The following LRRTM4 variants were observed in gnomAD, a reference collection of about 807,000 sequenced individuals.
LRRTM4 encodes leucine rich repeat transmembrane neuronal 4, also known as leucine-rich repeat transmembrane neuronal protein 4.
A neutral mutation model predicts 47.6 loss-of-function variants in LRRTM4; 25 were observed. The observed-to-expected ratio is 0.53, with a 90% CI of 0.38 to 0.73. LRRTM4 has a LOEUF of 0.73. Among genes scored for constraint, LRRTM4 ranks in the 30% least tolerant of loss-of-function variants. LRRTM4 has a pLI of 0.00. For missense variants in LRRTM4, 638 were observed against 713.4 expected, an observed-to-expected ratio of 0.89 and a Z score of 1.20; for synonymous variants, 311 against 269.5, an observed-to-expected ratio of 1.15 and a Z score of -1.51.
At chr2:76,994,161 C>T (rs569309250) in intron 3 of LRRTM4, among the ~76,000 whole-genome samples, 5 of 151,916 alleles carry the variant, frequency 3.3e-5, no homozygotes, top group East Asian at 1.9e-4. Flanking sequence ...CTATTGAGTA[C>T]TATGTTCACT....
chr2:77,092,032 G>T (rs1016355045), intron 3 of LRRTM4, among the ~76,000 whole-genome samples: 6 of 152,050 alleles, frequency 3.9e-5, no homozygotes, highest in Non-Finnish European at 8.8e-5. Flanking sequence ...TGCAGCGGCT[G>T]CCACTGCTTT....
intron 3 of LRRTM4, among the ~76,000 whole-genome samples, chr2:76,980,540 G>T: frequency 6.6e-6 from 1 of 152,032 alleles, no homozygotes; most frequent in East Asian, 1.9e-4. Context: ...GATCACTATG[G>T]AAAGAAGCCA....
At chr2:76,869,272 G>A (rs1277586653) in intron 3 of LRRTM4, among the ~76,000 whole-genome samples, 1 of 151,746 alleles carries the variant, frequency 6.6e-6, no homozygotes, top group Non-Finnish European at 1.5e-5. Context: ...TCACACCACT[G>A]CACTCCAGCC....
intron 3 of LRRTM4, among the ~76,000 whole-genome samples, chr2:77,265,676 A>G (rs963487116): frequency 1.3e-5 from 2 of 152,192 alleles, no homozygotes; most frequent in Non-Finnish European, 2.9e-5. Context: ...AAAGAAGTGT[A>G]CTATGAGATT....
chr2:76,798,656 C>T (rs1195628674), intron 3 of LRRTM4, among the ~76,000 whole-genome samples: 2 of 151,110 alleles, frequency 1.3e-5, no homozygotes, highest in Non-Finnish European at 3.0e-5. Flanking sequence ...ATTAATGAAT[C>T]CAGGAGCTGG....
intron 3 of LRRTM4, among the ~76,000 whole-genome samples, chr2:76,838,056 T>G (rs1365859165): frequency 6.6e-6 from 1 of 151,710 alleles, no homozygotes; most frequent in Non-Finnish European, 1.5e-5. Context: ...CTGCACATTG[T>G]GCACATGTAC....
At chr2:77,054,886 C>T (rs1172529838) in intron 3 of LRRTM4, among the ~76,000 whole-genome samples, 3 of 152,196 alleles carry the variant, frequency 2.0e-5, no homozygotes, top group African/African-American at 7.2e-5. Flanking sequence ...TTTGACCAAT[C>T]TATCATTTCA....
chr2:76,949,265 G>C (rs1269614376), intron 3 of LRRTM4, among the ~76,000 whole-genome samples: 5 of 151,872 alleles, frequency 3.3e-5, no homozygotes, highest in African/African-American at 9.7e-5. Context: ...TAAATGAATA[G>C]TTATCAAGTT....
intron 3 of LRRTM4, among the ~76,000 whole-genome samples, chr2:76,911,107 A>G (rs755483186): frequency 2.0e-5 from 3 of 152,196 alleles, no homozygotes; most frequent in Admixed American, 6.5e-5. Context: ...AATATCTTTA[A>G]AACATATTTT....
chr2:77,465,531 ATCT>A (rs1053113584), intron 3 of LRRTM4, among the ~76,000 whole-genome samples: 11 of 152,078 alleles, frequency 7.2e-5, no homozygotes, highest in Non-Finnish European at 1.2e-4. Flanking sequence ...ATCAGAAGAG[ATCT>A]TCTTTAATCC....
intron 3 of LRRTM4, among the ~76,000 whole-genome samples, chr2:76,784,996 C>A (rs946881823): frequency 2.0e-5 from 3 of 151,850 alleles, no homozygotes; most frequent in Admixed American, 6.6e-5. Flanking sequence ...TTCATTTTAT[C>A]CAAATTTCAT....
At chr2:76,784,802 T>G (rs554865749) in intron 3 of LRRTM4, among the ~76,000 whole-genome samples, 2 of 152,214 alleles carry the variant, frequency 1.3e-5, no homozygotes, top group South Asian at 2.1e-4. Flanking sequence ...TTTATTTATT[T>G]GTTTTCACAA....
At position 77,072,800 on chromosome 2, in the gene LRRTM4, C is replaced by CAAAAAA. The variant is rs373786120; in HGVS notation, c.1552-323890_1552-323885dup. 2.1e-3 allele frequency among the ~76,000 whole-genome samples: 163 copies of CAAAAAA among 78,690 alleles called. 3 individuals are homozygous for CAAAAAA. Among genetic ancestry groups the CAAAAAA allele is most frequent in the East Asian group, 4.9e-3 (12 of 2,468 alleles). The allele number at this position is 78,690 out of a possible 152,430, so 51.6% of individuals were successfully genotyped here. A position where few individuals can be genotyped will look rare whatever the true frequency, so the allele number is the denominator to read the frequency against. On this transcript the variant is annotated intron_variant, in intron 3 of 3. Transcript: ENST00000409884. ...GGCGACAGAGTGAGACTCCGTCTTC[C>CAAAAAA]AAAAAAAAAAAAAAAAAAAAAAACA... is the stretch of plus-strand genomic sequence containing the variant.
chr2:76,953,123 A>G (rs1675551000), intron 3 of LRRTM4, among the ~76,000 whole-genome samples: 1 of 151,930 alleles, frequency 6.6e-6, no homozygotes, highest in South Asian at 2.1e-4. Context: ...ACAAACCTTC[A>G]TATGTACCCA....
chr2:76,936,269 C>G (rs925863164), intron 3 of LRRTM4, among the ~76,000 whole-genome samples: 8 of 151,970 alleles, frequency 5.3e-5, no homozygotes, highest in Admixed American at 4.6e-4. Flanking sequence ...TAAAAAAGGA[C>G]AAGTTCATGG....
chr2:77,449,655 A>G (rs569979213), intron 3 of LRRTM4, among the ~76,000 whole-genome samples: 1 of 152,284 alleles, frequency 6.6e-6, no homozygotes, highest in South Asian at 2.1e-4. Flanking sequence ...GATAGCCGGG[A>G]CTATACGGAA....
intron 3 of LRRTM4, among the ~76,000 whole-genome samples, chr2:77,199,157 T>A (rs1454737589): frequency 6.6e-6 from 1 of 152,184 alleles, no homozygotes; most frequent in African/African-American, 2.4e-5. Context: ...AAATAAATTG[T>A]TCTCTGAACA....
intron 3 of LRRTM4, among the ~76,000 whole-genome samples, chr2:77,031,905 A>C (rs1573475751): frequency 6.6e-6 from 1 of 152,076 alleles, no homozygotes. Flanking sequence ...ATAGCAGTTC[A>C]GCATCTCAAA....
chr2:76,857,480 G>A (rs1672188361), intron 3 of LRRTM4, among the ~76,000 whole-genome samples: 1 of 151,734 alleles, frequency 6.6e-6, no homozygotes, highest in Non-Finnish European at 1.5e-5. Context: ...GTTAAGTTTT[G>A]GGGGAACAAA....
Sources: gnomAD v4.1 joint callset for allele counts (sites outside exome capture counted in the v4.1 genomes callset) on GRCh38, gnomAD v4.1.1 for gene constraint, MANE v1.5 for transcripts, NCBI Gene and HGNC (gene_info 2026-07-23, HGNC 2026-07-21) for gene names.